The following CDCA7L variants were observed in gnomAD, a reference collection of about 807,000 sequenced individuals.
CDCA7L encodes the protein cell division cycle-associated 7-like protein.
In CDCA7L, 44 loss-of-function variants were observed where a neutral mutation model predicts 57.4. That is an observed-to-expected ratio of 0.77 (90% confidence interval 0.60 to 0.98). The LOEUF (loss-of-function observed/expected upper bound fraction) is 0.98, where lower values mean the gene tolerates loss of function less well. CDCA7L is among the 50% of genes least tolerant of loss of function. The probability of loss-of-function intolerance (pLI) is 0.00; values close to 1 mark genes in which losing one functional copy is unlikely to be tolerated. For synonymous variants in CDCA7L, 236 were observed against 202.8 expected (o/e 1.16, Z -1.39); for missense variants, 644 against 580.6 (o/e 1.11, Z -1.12).
intron 1 of CDCA7L, among the ~76,000 whole-genome samples, chr7:21,942,246 A>C (rs1311996773): frequency 6.6e-6 from 1 of 152,146 alleles, no homozygotes; most frequent in Non-Finnish European, 1.5e-5. Context: ...TCCACACTTT[A>C]TTTCTGTGCT....
chr7:21,910,957 A>C (rs548071888), intron 3 of CDCA7L, among the ~76,000 whole-genome samples: 1 of 149,980 alleles, frequency 6.7e-6, no homozygotes, highest in Non-Finnish European at 1.5e-5. Flanking sequence ...GAAAGTTGTC[A>C]TCTAAGATAA....
At chr7:21,912,293 C>CA (rs1454240063) in intron 2 of CDCA7L, among the ~76,000 whole-genome samples, 2 of 152,000 alleles carry the variant, frequency 1.3e-5, no homozygotes, top group Non-Finnish European at 2.9e-5. Flanking sequence ...GACCCTCTCT[C>CA]AAAAAAACCC....
intron 1 of CDCA7L, among the ~76,000 whole-genome samples, chr7:21,928,154 CA>C (rs1311176399): frequency 6.6e-6 from 1 of 151,976 alleles, no homozygotes; most frequent in Non-Finnish European, 1.5e-5. Context: ...TGCAACCTCG[CA>C]AACGGTCTGG....
intron 3 of CDCA7L, among the ~76,000 whole-genome samples, chr7:21,911,208 T>C (rs977326341): frequency 6.6e-6 from 1 of 151,628 alleles, no homozygotes; most frequent in Non-Finnish European, 1.5e-5. Flanking sequence ...TTTTGTATTT[T>C]GAGGAGAGAT....
intron 1 of CDCA7L, among the ~76,000 whole-genome samples, chr7:21,931,578 C>T (rs541342057): frequency 2.0e-5 from 3 of 152,142 alleles, no homozygotes; most frequent in Non-Finnish European, 2.9e-5. Flanking sequence ...AATTCAACAC[C>T]GATTCCTGCT....
At chr7:21,945,294 A>C (rs1167992903) in intron 1 of CDCA7L, among the ~76,000 whole-genome samples, 2 of 152,150 alleles carry the variant, frequency 1.3e-5, no homozygotes, top group East Asian at 3.9e-4. Context: ...AAAGTTCTAG[A>C]ATAAACACTA....
intron 2 of CDCA7L, among the ~76,000 whole-genome samples, chr7:21,914,342 A>AG (rs1256726810): frequency 6.6e-6 from 1 of 152,232 alleles, no homozygotes; most frequent in Non-Finnish European, 1.5e-5. Flanking sequence ...TTCAAGTATG[A>AG]GGTCTCCCCT....
In CDCA7L at chr7:21,906,392, C is replaced by T; in HGVS notation, c.818G>A (p.Arg273Gln). The T allele has an allele frequency of 1.2e-6, 2 of 1,613,812 alleles. No homozygotes were observed. Among genetic ancestry groups the T allele is most frequent in the Non-Finnish European group, 1.7e-6 (2 of 1,179,818 alleles). Residue 273 changes from arginine (R) to glutamine (Q), a missense_variant, in exon 6 of 10, where the codon CGG becomes CAG. Transcript: ENST00000406877. ...GQITRRMNPTRSARPPEKFAL... is the reference protein window; with the variant it reads ...GQITRRMNPTQSARPPEKFAL... ...AAACTTCTCAGGAGGCCGCGCACTC[C>T]GGGTTGGGTTCATACGCCGCGTGAT...
At chr7:21,915,105 G>A (rs1391244645) in intron 2 of CDCA7L, among the ~76,000 whole-genome samples, 1 of 152,160 alleles carries the variant, frequency 6.6e-6, no homozygotes, top group Non-Finnish European at 1.5e-5. Flanking sequence ...GAGCATTCGG[G>A]TAAGAGCTAC....
At chr7:21,905,310 G>A (rs1439318474) in intron 7 of CDCA7L, among the ~76,000 whole-genome samples, 196 bp downstream of exon 7, 13 of 151,968 alleles carry the variant, frequency 8.6e-5, no homozygotes, top group African/African-American at 2.4e-4. Flanking sequence ...AAGAGAGACC[G>A]CCGTCCAGAT....
chr7:21,940,613 G>A lies in CDCA7L; in HGVS notation c.24+5168C>T, dbSNP rs976539573. 7.2e-5 allele frequency among the ~76,000 whole-genome samples: 11 copies of A among 152,336 alleles called. No individual in the cohort carries two copies. In the East Asian group the frequency reaches 1.2e-3, roughly 16 times the overall value. ...TCCCAGGGCGAGCACCTGAGCCAGCGGTGGGGGCAATGGATGGGAAGACTT... is the reference window on the plus strand; with the variant it reads ...TCCCAGGGCGAGCACCTGAGCCAGCAGTGGGGGCAATGGATGGGAAGACTT... On this transcript the variant is annotated intron_variant, in intron 1 of 9. Coordinates refer to ENST00000406877, the MANE Select transcript of CDCA7L (RefSeq NM_018719.5).
intron 1 of CDCA7L, among the ~76,000 whole-genome samples, chr7:21,918,851 TAAC>T (rs1401350809): frequency 6.6e-6 from 1 of 152,142 alleles, no homozygotes; most frequent in African/African-American, 2.4e-5. Flanking sequence ...CAAAAAACAA[TAAC>T]AACAACAAAA....
intron 1 of CDCA7L, among the ~76,000 whole-genome samples, chr7:21,928,835 G>A (rs1331406465): frequency 6.6e-6 from 1 of 152,144 alleles, no homozygotes. Flanking sequence ...TTTGACTGGT[G>A]TACCTCAAAG....
At chr7:21,916,965 G>C in intron 1 of CDCA7L, 71 bp from the exon 2 acceptor site, 1 of 1,563,560 alleles carries the variant, frequency 6.4e-7, no homozygotes. Flanking sequence ...ATTTTCTGGA[G>C]GGGAGGAGAG....
intron 2 of CDCA7L, among the ~76,000 whole-genome samples, chr7:21,914,492 A>G (rs559320975): frequency 1.3e-5 from 2 of 152,346 alleles, no homozygotes; most frequent in East Asian, 3.9e-4. Context: ...AAGAAGTAGC[A>G]TAACTGGATG....
chr7:21,931,058 C>T (rs577291942), intron 1 of CDCA7L, among the ~76,000 whole-genome samples: 20 of 152,300 alleles, frequency 1.3e-4, no homozygotes, highest in Non-Finnish European at 2.1e-4. Context: ...TGGACACATA[C>T]ACCCTCCCAA....
chr7:21,918,652 A>T (rs1252447605), intron 1 of CDCA7L, among the ~76,000 whole-genome samples: 1 of 152,076 alleles, frequency 6.6e-6, no homozygotes, highest in Non-Finnish European at 1.5e-5. Flanking sequence ...ACAATTTGGG[A>T]GTTGAATCCG....
At chr7:21,916,720 A>G in intron 2 of CDCA7L, 34 bp downstream of exon 2, 1 of 1,603,738 alleles carries the variant, frequency 6.2e-7, no homozygotes, top group African/African-American at 1.3e-5. Flanking sequence ...AGGCCTCCAG[A>G]TGAACACATC....
chr7:21,921,454 A>C (rs1295526861), intron 1 of CDCA7L, among the ~76,000 whole-genome samples: 1 of 152,166 alleles, frequency 6.6e-6, no homozygotes, highest in Non-Finnish European at 1.5e-5. Flanking sequence ...CCTGATAGAA[A>C]GGATACACAG....
Sources: allele counts gnomAD v4.1 joint callset (sites outside exome capture counted in the v4.1 genomes callset), GRCh38; gene constraint gnomAD v4.1.1; transcripts MANE v1.5; gene names NCBI Gene and HGNC (gene_info 2026-07-23, HGNC 2026-07-21).